The following UGT1A8 variants were observed in gnomAD, a reference collection of about 807,000 sequenced individuals.
UGT1A8 encodes UDP glucuronosyltransferase family 1 member A8, also known as UDP-glucuronosyltransferase 1A8.
A neutral mutation model predicts 45.3 loss-of-function variants in UGT1A8; 39 were observed. The observed-to-expected ratio is 0.86, with a 90% CI of 0.67 to 1.12. The LOEUF (loss-of-function observed/expected upper bound fraction) is 1.12. UGT1A8 is among the 50% of genes most tolerant of loss of function. The pLI is 0.00. For synonymous variants in UGT1A8, 275 were observed against 249.2 expected (o/e 1.10, Z -0.97); for missense variants, 719 against 664.9 (o/e 1.08, Z -0.90).
At chr2:233,625,899 G>A (rs2073077321) in intron 1 of UGT1A8, among the ~76,000 whole-genome samples, 2 of 151,932 alleles carry the variant, frequency 1.3e-5, no homozygotes, top group African/African-American at 4.8e-5. Flanking sequence ...ATATACTCAG[G>A]TAACCTGCAC....
At chr2:233,730,198 G>T (rs544900257) in intron 1 of UGT1A8, among the ~76,000 whole-genome samples, 1 of 152,188 alleles carries the variant, frequency 6.6e-6, no homozygotes, top group Non-Finnish European at 1.5e-5. Context: ...CTGAGAGGAA[G>T]AGGAAGTAGA....
intron 1 of UGT1A8, among the ~76,000 whole-genome samples, chr2:233,654,425 C>T (rs540710109): frequency 2.0e-5 from 3 of 152,242 alleles, no homozygotes; most frequent in Non-Finnish European, 2.9e-5. Flanking sequence ...CTGTACTAAT[C>T]GTAGATATAT....
At chr2:233,755,185 T>G (rs1695803868) in intron 1 of UGT1A8, 2 of 1,189,530 alleles carry the variant, frequency 1.7e-6, no homozygotes, top group Non-Finnish European at 2.3e-6. Context: ...GGGTGCCACT[T>G]GAGCGCCAGC....
At chr2:233,767,602 A>G (rs1699426979) in intron 2 of UGT1A8, among the ~76,000 whole-genome samples, 1 of 152,192 alleles carries the variant, frequency 6.6e-6, no homozygotes, top group Non-Finnish European at 1.5e-5. Flanking sequence ...AGGAAAGTGA[A>G]AAAATCCTAA....
intron 1 of UGT1A8, chr2:233,682,509 C>T (rs1326644078): frequency 2.5e-6 from 4 of 1,613,890 alleles, no homozygotes; most frequent in South Asian, 1.1e-5. Context: ...TCCTATGTCC[C>T]CAGACTTCTC....
chr2:233,748,071 C>T, intron 1 of UGT1A8: 3 of 1,613,372 alleles, frequency 1.9e-6, no homozygotes, highest in East Asian at 2.2e-5. Context: ...CAGGAAGCCA[C>T]TATCTCAGGT....
At chr2:233,705,248 A>G (rs2125599704) in intron 1 of UGT1A8, among the ~76,000 whole-genome samples, 1 of 152,180 alleles carries the variant, frequency 6.6e-6, no homozygotes, top group African/African-American at 2.4e-5. Flanking sequence ...ATGAATTCAG[A>G]TTATTCTATG....
chr2:233,644,388 C>T (rs946200577), intron 1 of UGT1A8, among the ~76,000 whole-genome samples: 9 of 151,940 alleles, frequency 5.9e-5, no homozygotes, highest in East Asian at 1.9e-4. Context: ...GCCAACATGG[C>T]GAAACCCAAT....
intron 1 of UGT1A8, among the ~76,000 whole-genome samples, chr2:233,738,704 G>A (rs1471185258): frequency 6.6e-6 from 1 of 152,238 alleles, no homozygotes; most frequent in South Asian, 2.1e-4. Flanking sequence ...TAAAAGGGAA[G>A]CAGAGCATAA....
intron 1 of UGT1A8, chr2:233,761,148 C>G: frequency 6.2e-7 from 1 of 1,614,128 alleles, no homozygotes; most frequent in South Asian, 1.1e-5. Flanking sequence ...ATCCACTATC[C>G]CAGGTGTGTA....
At chr2:233,626,976 C>T (rs1325235576) in intron 1 of UGT1A8, among the ~76,000 whole-genome samples, 1 of 152,022 alleles carries the variant, frequency 6.6e-6, no homozygotes, top group Non-Finnish European at 1.5e-5. Context: ...TCTTGTTGTA[C>T]AACCAAAAAA....
intron 1 of UGT1A8, among the ~76,000 whole-genome samples, chr2:233,703,747 C>A (rs2075751408): frequency 6.6e-6 from 1 of 151,954 alleles, no homozygotes. Context: ...TTTTAAATCT[C>A]AAATGTATCT....
chr2:233,629,911 G>A (rs1187464243), intron 1 of UGT1A8, among the ~76,000 whole-genome samples: 3 of 151,810 alleles, frequency 2.0e-5, no homozygotes, highest in Non-Finnish European at 2.9e-5. Flanking sequence ...CTTTTTTTTG[G>A]CATAAACTTG....
At chr2:233,765,145 T>A (rs1698762439) in intron 1 of UGT1A8, among the ~76,000 whole-genome samples, 1 of 152,138 alleles carries the variant, frequency 6.6e-6, no homozygotes, top group Admixed American at 6.5e-5. Context: ...ACATCACATG[T>A]CCTAGGGAAC....
intron 1 of UGT1A8, among the ~76,000 whole-genome samples, chr2:233,675,980 A>C (rs1170078991): frequency 6.6e-6 from 1 of 152,216 alleles, no homozygotes; most frequent in African/African-American, 2.4e-5. Context: ...ACATCTTTCC[A>C]TACAGATCAA....
intron 1 of UGT1A8, among the ~76,000 whole-genome samples, chr2:233,664,775 G>A (rs1387218105): frequency 1.3e-5 from 2 of 152,182 alleles, no homozygotes; most frequent in Non-Finnish European, 2.9e-5. Flanking sequence ...TGAGATTTGG[G>A]TGGGGACAAA....
chr2:233,657,759 T>A (rs1425346662), intron 1 of UGT1A8, among the ~76,000 whole-genome samples: 3 of 152,212 alleles, frequency 2.0e-5, no homozygotes, highest in Non-Finnish European at 2.9e-5. Flanking sequence ...AAATATGATG[T>A]TGAGCATCTT....
At chr2:233,724,286 G>C (rs1416950047) in intron 1 of UGT1A8, among the ~76,000 whole-genome samples, 3 of 143,448 alleles carry the variant, frequency 2.1e-5, no homozygotes, top group African/African-American at 2.6e-5. Flanking sequence ...CCGGGCGGGG[G>C]GCTGACCCCC....
At chr2:233,643,981 C>A (rs1408739744) in intron 1 of UGT1A8, among the ~76,000 whole-genome samples, 1 of 152,130 alleles carries the variant, frequency 6.6e-6, no homozygotes, top group African/African-American at 2.4e-5. Context: ...AGGAAAGGGT[C>A]TCTTTTGGAG....
Sources: gnomAD v4.1 joint callset for allele counts (sites outside exome capture counted in the v4.1 genomes callset) on GRCh38, gnomAD v4.1.1 for gene constraint, MANE v1.5 for transcripts, NCBI Gene and HGNC (gene_info 2026-07-23, HGNC 2026-07-21) for gene names.